The following COL21A1 variants were observed in gnomAD, a reference collection of about 807,000 sequenced individuals.
COL21A1 encodes collagen alpha-1(XXI) chain.
COL21A1 carries 149 observed loss-of-function variants against 137.9 expected under a neutral mutation model. The ratio of observed to expected loss-of-function variants is 1.08; its 90% confidence interval spans 0.95 to 1.24. COL21A1 has a LOEUF of 1.24. Among genes scored for constraint, COL21A1 ranks in the 50% most tolerant of loss-of-function variants. The pLI is 0.00. For missense variants in COL21A1, 1,167 were observed against 1,158.4 expected (o/e 1.01, Z -0.11); for synonymous variants, 456 against 391.5 (o/e 1.16, Z -1.95).
At chr6:56,382,258 T>C (rs867339909) in intron 1 of COL21A1, among the ~76,000 whole-genome samples, 27 of 152,192 alleles carry the variant, frequency 1.8e-4, no homozygotes, top group African/African-American at 6.0e-4. Flanking sequence ...TAGTTCACCA[T>C]TGGTTATTAG....
At chr6:56,177,160 T>C (rs1417469116) in intron 3 of COL21A1, among the ~76,000 whole-genome samples, 1 of 152,072 alleles carries the variant, frequency 6.6e-6, no homozygotes, top group Non-Finnish European at 1.5e-5. Context: ...ACAAGTCTTT[T>C]ACACAGATAA....
At chr6:56,286,630 C>T (rs1228966887) in intron 1 of COL21A1, among the ~76,000 whole-genome samples, 2 of 152,114 alleles carry the variant, frequency 1.3e-5, no homozygotes, top group African/African-American at 2.4e-5. Context: ...AATGTTTACA[C>T]GGTTTTGTGA....
chr6:56,376,304 C>T (rs1440477840), intron 1 of COL21A1, among the ~76,000 whole-genome samples: 1 of 152,114 alleles, frequency 6.6e-6, no homozygotes, highest in South Asian at 2.1e-4. Context: ...ACTGTGGACA[C>T]CAGCTTACTG....
At chr6:56,247,956 G>A (rs919813417), upstream of COL21A1, among the ~76,000 whole-genome samples, 2 of 152,240 alleles carry the variant, frequency 1.3e-5, no homozygotes, top group East Asian at 3.9e-4. Context: ...CCCCTCTGGG[G>A]CGCCAAGGTA....
At position 56,060,535 on chromosome 6, in the gene COL21A1, T is replaced by C. The variant is rs908852787; in HGVS notation, c.2407+206A>G. 2.0e-5 allele frequency: 10 copies of C among 492,632 alleles called. No homozygotes were observed. The South Asian group carries it at 3.1e-4, about 15-fold the overall frequency. 30.5% of individuals were successfully genotyped at this position (492,632 alleles called of 1,614,324 possible). A position where few individuals can be genotyped will look rare whatever the true frequency, so the allele number is the denominator to read the frequency against. On this transcript the variant is annotated intron_variant, in intron 27 of 29. Transcript: ENST00000244728. ...AAAGAAAATTCAAATAATGGCAAAA[T>C]AATAAATGTCTTTATTAAAAAGATT...
intron 1 of COL21A1, among the ~76,000 whole-genome samples, chr6:56,362,870 A>G (rs928711880): frequency 5.3e-5 from 8 of 152,152 alleles, no homozygotes; most frequent in African/African-American, 1.9e-4. Context: ...TGAAAACTTT[A>G]TTAATTCTTC....
intron 1 of COL21A1, among the ~76,000 whole-genome samples, chr6:56,323,060 C>T (rs561589462): frequency 9.9e-5 from 15 of 151,972 alleles, no homozygotes; most frequent in Admixed American, 3.3e-4. Flanking sequence ...GAAATATTAC[C>T]TATTGGGTAC....
intron 1 of COL21A1, among the ~76,000 whole-genome samples, chr6:56,204,409 AG>A (rs1779620587): frequency 6.6e-6 from 1 of 152,200 alleles, no homozygotes; most frequent in South Asian, 2.1e-4. Flanking sequence ...CATTGCTGCC[AG>A]ACTGCCTCTA....
intron 1 of COL21A1, among the ~76,000 whole-genome samples, chr6:56,221,926 T>C (rs1233342362): frequency 2.6e-5 from 4 of 152,128 alleles, no homozygotes; most frequent in Admixed American, 2.6e-4. Context: ...CACAATTTCA[T>C]GGCTTATATT....
intron 16 of COL21A1, among the ~76,000 whole-genome samples, chr6:56,113,766 C>T (rs1298334045): frequency 6.6e-6 from 1 of 152,156 alleles, no homozygotes; most frequent in Non-Finnish European, 1.5e-5. Flanking sequence ...GTCTTGAGGT[C>T]TCCAATTCCA....
At chr6:56,385,325 A>T (rs1054234367) in intron 1 of COL21A1, among the ~76,000 whole-genome samples, 1 of 152,204 alleles carries the variant, frequency 6.6e-6, no homozygotes, top group Admixed American at 6.5e-5. Context: ...AGTCTGAAAC[A>T]GGTCTCACTA....
At chr6:56,249,841 G>C (rs1291463864), upstream of COL21A1, among the ~76,000 whole-genome samples, 1 of 152,140 alleles carries the variant, frequency 6.6e-6, no homozygotes. Context: ...CTGAATTGTT[G>C]ACTTTAGAAT....
At position 56,153,318 on chromosome 6, in the gene COL21A1, C is replaced by T. The variant is rs560563856; in HGVS notation, c.1434+3569G>A. On this transcript the variant is annotated intron_variant, in intron 10 of 29. Transcript: ENST00000244728. The stretch of plus-strand genomic sequence containing the variant: ...TCTCATATAAAGATTTAATTGCCCA[C>T]ACTCTCCATCCAGGCCAAGCTCTAC... 4.0e-4 allele frequency among the ~76,000 whole-genome samples: 61 copies of T among 152,172 alleles called. No homozygotes were observed. In the South Asian group the frequency reaches 6.8e-3, roughly 17 times the overall value.
At chr6:56,102,482 A>G (rs1458643880) in intron 16 of COL21A1, among the ~76,000 whole-genome samples, 1 of 152,152 alleles carries the variant, frequency 6.6e-6, no homozygotes. Context: ...ATCCTAGATG[A>G]AAGCAAGATA....
At chr6:56,363,973 G>C (rs1766038946) in intron 1 of COL21A1, among the ~76,000 whole-genome samples, 1 of 152,250 alleles carries the variant, frequency 6.6e-6, no homozygotes, top group Non-Finnish European at 1.5e-5. Flanking sequence ...CTCAGAGTTT[G>C]CACTGGACAG....
At chr6:56,236,675 T>G (rs1781924463) in intron 1 of COL21A1, among the ~76,000 whole-genome samples, 1 of 152,040 alleles carries the variant, frequency 6.6e-6, no homozygotes, top group Non-Finnish European at 1.5e-5. Flanking sequence ...TGGAACTCAA[T>G]TAAACAGAGT....
At chr6:56,182,327 T>C (rs1171706715) in intron 2 of COL21A1, among the ~76,000 whole-genome samples, 1 of 152,210 alleles carries the variant, frequency 6.6e-6, no homozygotes, top group African/African-American at 2.4e-5. Flanking sequence ...GAATAAACTA[T>C]TGCCATAGAG....
intron 12 of COL21A1, among the ~76,000 whole-genome samples, chr6:56,139,943 A>G (rs1774292413): frequency 1.3e-5 from 2 of 152,140 alleles, no homozygotes; most frequent in Admixed American, 6.6e-5. Flanking sequence ...TATAATTATG[A>G]CATTTTATTT....
At chr6:56,090,193 C>T (rs986326156) in intron 17 of COL21A1, among the ~76,000 whole-genome samples, 1 of 152,254 alleles carries the variant, frequency 6.6e-6, no homozygotes, top group Non-Finnish European at 1.5e-5. Context: ...GAGTCAAGAT[C>T]GTGCCACTGC....
Sources: gnomAD v4.1 joint callset for allele counts (sites outside exome capture counted in the v4.1 genomes callset) on GRCh38, gnomAD v4.1.1 for gene constraint, MANE v1.5 for transcripts, NCBI Gene and HGNC (gene_info 2026-07-23, HGNC 2026-07-21) for gene names.